The following ACSM1 variants were observed in gnomAD, a reference collection of about 807,000 sequenced individuals.
ACSM1 encodes acyl-coenzyme A synthetase ACSM1, mitochondrial.
A neutral mutation model predicts 75.8 loss-of-function variants in ACSM1; 79 were observed. The observed-to-expected ratio is 1.04, with a 90% confidence interval of 0.87 to 1.26. The LOEUF is 1.26. Among genes scored for constraint, ACSM1 ranks in the 50% most tolerant of loss-of-function variants. The pLI is 0.00. For synonymous variants in ACSM1, 279 were observed against 265.8 expected, an observed-to-expected ratio of 1.05 and a Z score of -0.48; for missense variants, 676 against 720.1, an observed-to-expected ratio of 0.94 and a Z score of 0.70.
In ACSM1 at chr16:20,667,924, T is replaced by C. The variant is rs201881760; in HGVS notation, c.912+1903A>G. 3.9e-5 allele frequency among the ~76,000 whole-genome samples: 6 copies of C among 152,328 alleles called. No individual in the cohort carries two copies. The East Asian group carries it at 1.2e-3, about 29-fold the overall frequency. On this transcript the variant is annotated intron_variant, in intron 6 of 13. Coordinates refer to ENST00000520010, the MANE Select transcript of ACSM1 (RefSeq NM_001318890.3). The stretch of plus-strand genomic sequence containing the variant: ...AGTAAAAAACCAAACATCATTTTTT[T>C]CTCACTTATAAGTGGGAACTAAACA...
intron 7 of ACSM1, among the ~76,000 whole-genome samples, chr16:20,659,153 T>G (rs370825235): frequency 1.1e-4 from 16 of 152,146 alleles, no homozygotes; most frequent in African/African-American, 3.4e-4. Flanking sequence ...GACTAAACCC[T>G]AAGCCTGACT....
At chr16:20,672,790 T>C (rs1156267118) in intron 4 of ACSM1, among the ~76,000 whole-genome samples, 1 of 121,642 alleles carries the variant, frequency 8.2e-6, no homozygotes, top group Admixed American at 9.2e-5. Context: ...ATAAATTATG[T>C]ACAAAATATG....
Position 20,669,909 on chromosome 16 carries a change from C to T in ACSM1, c.830G>A (p.Trp277Ter), listed in dbSNP as rs771818490. The change falls in exon 6 of 14, where the codon TGG becomes TAG. Residue 277 changes from tryptophan to a stop codon, truncating the protein, a stop_gained. Coordinates refer to ENST00000520010, the MANE Select transcript of ACSM1 (RefSeq NM_001318890.3). LOFTEE classifies it high-confidence loss of function. The stretch of plus-strand genomic sequence containing the variant: ...CGCTGTCCATGGTTCTACCAGGGTC[C>T]AAATGGTAGCCACAATCCATCCTGA... ...SDSGWIVATI[W>*]TLVEPWTAGC... The T allele has an allele frequency of 6.2e-7, 1 of 1,613,806 alleles. No individual in the cohort carries two copies. The highest frequency in any genetic ancestry group is 8.5e-7 in the Non-Finnish European group (1 of 1,179,854).
At chr16:20,657,354 G>A (rs187981814) in intron 7 of ACSM1, among the ~76,000 whole-genome samples, 191 of 151,990 alleles carry the variant, frequency 1.3e-3, no homozygotes, top group African/African-American at 4.4e-3. Flanking sequence ...TGTCACCCAG[G>A]CTGGAGTGCA....
Position 20,623,550 on chromosome 16 carries a change from G to A in ACSM1, c.1670C>T (p.Pro557Leu). The change falls in exon 14 of 14, where the codon CCA becomes CTA. Residue 557 changes from proline (P) to leucine (L), a missense_variant. Pro to Leu is a moderately conservative substitution (Grantham distance 98). Transcript: ENST00000520010. ...TTCAATCTTGCCAGTGATGGTTTTT[G>A]GCAGCTCTGAGACAAACTCCACCTG... ...PRKVEFVSEL[P>L]KTITGKIERK... 6.2e-7 allele frequency: 1 copy of A among 1,614,004 alleles called. No individual in the cohort carries two copies. Among genetic ancestry groups the A allele is most frequent in the Non-Finnish European group, 8.5e-7 (1 of 1,179,974 alleles).
At position 20,683,973 on chromosome 16, in the gene ACSM1, G is replaced by A. The variant is rs568380656; in HGVS notation, c.403+1220C>T. Among the ~76,000 whole-genome samples the A allele has an allele frequency of 9.9e-5, 15 of 152,142 alleles. No homozygotes were observed. In the East Asian group the frequency reaches 2.5e-3, roughly 25 times the overall value. ...ATTACTTCTTGATTTCACATGATCTGGCTGAATGAATCACCTATTTTATTT... is the reference window on the plus strand; with the variant it reads ...ATTACTTCTTGATTTCACATGATCTAGCTGAATGAATCACCTATTTTATTT... On this transcript the variant is annotated intron_variant, in intron 3 of 13. Transcript: ENST00000520010.
chr16:20,669,811 A>G lies in ACSM1; in HGVS notation c.912+16T>C, dbSNP rs760585373. 1 of 1,610,118 alleles carries G rather than the reference A, an allele frequency of 6.2e-7. No individual in the cohort carries two copies. Among genetic ancestry groups the G allele is most frequent in the East Asian group, 2.2e-5 (1 of 44,846 alleles). On this transcript the variant is annotated intron_variant, in intron 6 of 13. Coordinates refer to ENST00000520010, the MANE Select transcript of ACSM1 (RefSeq NM_001318890.3). ...TTTCTGGAATTTTGCTGATAGGGGAAGGTGAGTCTTCTTACCTGTATGATG... is the reference window on the plus strand; with the variant it reads ...TTTCTGGAATTTTGCTGATAGGGGAGGGTGAGTCTTCTTACCTGTATGATG...
intron 7 of ACSM1, among the ~76,000 whole-genome samples, chr16:20,641,346 C>T (rs2018048730): frequency 6.6e-6 from 1 of 152,134 alleles, no homozygotes; most frequent in South Asian, 2.1e-4. Flanking sequence ...CCATGCCCTG[C>T]CCTCTTTTTG....
intron 10 of ACSM1, among the ~76,000 whole-genome samples, chr16:20,628,190 C>G (rs1216175212): frequency 6.6e-6 from 1 of 152,014 alleles, no homozygotes; most frequent in African/African-American, 2.4e-5. Context: ...ATGCCCTGTA[C>G]TCTTCACTAG....
chr16:20,624,039 C>T (rs759376155), intron 13 of ACSM1, 57 bp downstream of exon 13: 58 of 1,596,842 alleles, frequency 3.6e-5, no homozygotes, highest in African/African-American at 1.6e-4. Flanking sequence ...ATACCTAGCC[C>T]GTCCTAGCAG....
At chr16:20,697,080 A>G (rs2079693675) in intron 1 of ACSM1, among the ~76,000 whole-genome samples, 1 of 152,052 alleles carries the variant, frequency 6.6e-6, no homozygotes, top group African/African-American at 2.4e-5. Flanking sequence ...CCCCCTCCCC[A>G]TTAGATGTTA....
intron 6 of ACSM1, among the ~76,000 whole-genome samples, chr16:20,666,229 A>G (rs1013499081): frequency 1.3e-5 from 2 of 152,222 alleles, no homozygotes; most frequent in East Asian, 3.9e-4. Context: ...ACATTAAAAA[A>G]CCCTAAAAAC....
chr16:20,642,506 G>C (rs1450882322), intron 7 of ACSM1, among the ~76,000 whole-genome samples: 2 of 152,200 alleles, frequency 1.3e-5, no homozygotes, highest in Non-Finnish European at 2.9e-5. Flanking sequence ...AGCCAAGGGA[G>C]ACCTTGAAGC....
rs1397795042 is a variant in ACSM1, at chr16:20,682,386, C to T, written c.481G>A (p.Gly161Ser). The T allele has an allele frequency of 4.3e-6, 7 of 1,613,888 alleles. No individual in the cohort carries two copies. In the East Asian group the frequency reaches 8.9e-5, roughly 21 times the overall value. Residue 161 changes from glycine (G) to serine (S), a missense_variant, in exon 4 of 14, where the codon GGC (glycine) becomes AGC (serine). By Grantham distance (56) the Gly-to-Ser change is moderately conservative. Coordinates refer to ENST00000520010, the MANE Select transcript of ACSM1 (RefSeq NM_001318890.3). The stretch of plus-strand genomic sequence containing the variant: ...GCAAGGGCATCTATGGTCACAATGC[C>T]CTTGGCTTTAGACAACTGTAGTCGA... ...LYRLQLSKAK[G>S]IVTIDALASE...
intron 1 of ACSM1, among the ~76,000 whole-genome samples, chr16:20,697,146 C>A (rs1360660848): frequency 6.6e-6 from 1 of 152,106 alleles, no homozygotes. Flanking sequence ...GATCATAGCT[C>A]ACTGCAGCCT....
intron 7 of ACSM1, among the ~76,000 whole-genome samples, chr16:20,660,955 A>G (rs1309886368): frequency 2.6e-5 from 4 of 152,182 alleles, no homozygotes. Context: ...AACATGGAAC[A>G]ATGGAAATTC....
intron 10 of ACSM1, among the ~76,000 whole-genome samples, chr16:20,629,037 T>C (rs546305437): frequency 6.6e-6 from 1 of 152,326 alleles, no homozygotes; most frequent in Admixed American, 6.5e-5. Flanking sequence ...GTATATCAAG[T>C]TGATTCTTAG....
intron 4 of ACSM1, chr16:20,680,597 T>C (rs113971770): frequency 6.6e-6 from 1 of 152,176 alleles, no homozygotes; most frequent in East Asian, 1.9e-4. Flanking sequence ...ACCTCCATAA[T>C]TGGAAAGTAC....
At chr16:20,647,044 C>G (rs1596834651) in intron 7 of ACSM1, among the ~76,000 whole-genome samples, 1 of 152,238 alleles carries the variant, frequency 6.6e-6, no homozygotes, top group African/African-American at 2.4e-5. Flanking sequence ...GTTTGAAAAG[C>G]CTCAATTTCC....
Sources: gnomAD v4.1 joint callset for allele counts (sites outside exome capture counted in the v4.1 genomes callset) on GRCh38, gnomAD v4.1.1 for gene constraint, MANE v1.5 for transcripts, NCBI Gene and HGNC (gene_info 2026-07-23, HGNC 2026-07-21) for gene names.